SMS: variants seen among roughly 807,000 people sequenced by gnomAD.
The protein encoded by SMS is spermidine aminopropyltransferase.
A neutral mutation model predicts 33.0 loss-of-function variants in SMS; 3 were observed. The ratio of observed to expected loss-of-function variants is 0.09; its 90% CI spans 0.04 to 0.23. SMS has a LOEUF of 0.23. SMS is among the 10% of genes least tolerant of loss of function. The pLI, the probability that SMS is intolerant of heterozygous loss-of-function variation, is 1.00. For missense variants in SMS, 117 were observed against 288.6 expected (o/e 0.41, Z 4.31); for synonymous variants, 103 against 112.2 (o/e 0.92, Z 0.52).
intron 7 of SMS, among the ~76,000 whole-genome samples, chrX:21,982,116 G>A (rs1009856745): frequency 6.1e-4 from 67 of 109,581 alleles, no homozygotes; most frequent in Non-Finnish European, 1.2e-3. Flanking sequence ...GGCGGATCAC[G>A]AGGTCAGGAG....
chrX:21,945,096 A>G (rs1010005141), intron 1 of SMS, among the ~76,000 whole-genome samples: 3 of 112,026 alleles, frequency 2.7e-5, no homozygotes, highest in Non-Finnish European at 3.8e-5. Flanking sequence ...TAGCAATCCT[A>G]TGTCCATTTT....
chrX:21,980,600 A>G (rs1293946765), intron 7 of SMS, among the ~76,000 whole-genome samples: 2 of 109,013 alleles, frequency 1.8e-5, no homozygotes, highest in African/African-American at 6.6e-5. Context: ...AAAAATAGAA[A>G]ATATAATAGA....
intron 9 of SMS, among the ~76,000 whole-genome samples, chrX:21,988,662 CAAAAAAAA>C (rs199561897): frequency 1.7e-4 from 11 of 66,142 alleles, no homozygotes; most frequent in East Asian, 5.1e-4. Flanking sequence ...GACTCTGTCT[CAAAAAAAA>C]AAAAAAAAAA....
intron 1 of SMS, among the ~76,000 whole-genome samples, chrX:21,957,415 C>G: frequency 9.1e-6 from 1 of 110,297 alleles, no homozygotes; most frequent in Admixed American, 9.6e-5. Flanking sequence ...TCCTGCCTCA[C>G]CCTCCCAAGT....
chrX:21,977,158 G>C lies in SMS; in HGVS notation c.427G>C (p.Glu143Gln), dbSNP rs1318305388. ...EYDIDEVVYD[E>Q]DSPYQNIKIL... is the part of the protein sequence containing the mutation. ...TGACATAGATGAAGTGGTATATGAC[G>C]AAGATTCACCTTATCAAAATATAAA... The change falls in exon 5 of 11, where the codon GAA (glutamate) becomes CAA (glutamine). Residue 143 changes from glutamate to glutamine, a missense_variant. Glu to Gln is a conservative substitution (Grantham distance 29, BLOSUM62 2). Around this residue, in one of 3 missense-constraint regions of SMS, gnomAD observed 69 missense variants for 203.8 expected, o/e 0.34. Coordinates refer to ENST00000404933, the MANE Select transcript of SMS (RefSeq NM_004595.5). 2.5e-6 allele frequency: 3 copies of C among 1,206,194 alleles called. No homozygotes were observed. In the Admixed American group the frequency reaches 6.5e-5, roughly 26 times the overall value.
At chrX:21,979,132 G>A (rs1041863640) in intron 7 of SMS, among the ~76,000 whole-genome samples, 166 bp downstream of exon 7, 2 of 110,777 alleles carry the variant, frequency 1.8e-5, no homozygotes, top group Non-Finnish European at 3.8e-5. Context: ...GGGTGCACAC[G>A]TACCAATGAT....
intron 1 of SMS, among the ~76,000 whole-genome samples, chrX:21,942,682 A>C (rs1248454196): frequency 1.8e-5 from 2 of 111,097 alleles, no homozygotes; most frequent in Admixed American, 9.6e-5. Context: ...TGAATGGTTA[A>C]TGAAAGCTCT....
intron 1 of SMS, among the ~76,000 whole-genome samples, chrX:21,942,107 A>G (rs1436412279): frequency 1.8e-5 from 2 of 109,203 alleles, no homozygotes; most frequent in African/African-American, 6.7e-5. Flanking sequence ...GCAGACTTGA[A>G]TCTGCACTTC....
intron 1 of SMS, among the ~76,000 whole-genome samples, chrX:21,961,028 G>T: frequency 1.0e-5 from 1 of 95,247 alleles, no homozygotes; most frequent in African/African-American, 4.1e-5. Context: ...AATATTATAT[G>T]CATGTCTTTT....
At chrX:21,942,035 G>A (rs1290514654) in intron 1 of SMS, among the ~76,000 whole-genome samples, 1 of 108,469 alleles carries the variant, frequency 9.2e-6, no homozygotes, top group Admixed American at 9.9e-5. Context: ...TGGGGGGTGG[G>A]AGTCGCGGGA....
At chrX:21,992,780 A>C in intron 10 of SMS, 68 bp downstream of exon 10, 1 of 620,353 alleles carries the variant, frequency 1.6e-6, no homozygotes, top group Non-Finnish European at 2.7e-6. Context: ...CCAATGAAAA[A>C]ATTTAAATCA....
At chrX:21,990,583 T>C (rs951281008) in intron 9 of SMS, among the ~76,000 whole-genome samples, 1 of 112,767 alleles carries the variant, frequency 8.9e-6, no homozygotes, top group African/African-American at 3.2e-5. Flanking sequence ...TAGGTGTCTA[T>C]TTGTGGTGTG....
chrX:21,965,268 A>G (rs1196512297), intron 1 of SMS, among the ~76,000 whole-genome samples: 1 of 111,737 alleles, frequency 8.9e-6, no homozygotes, highest in Non-Finnish European at 1.9e-5. Flanking sequence ...TTTTGGTGCT[A>G]CCATTATACC....
At position 21,992,666 on chromosome X, in the gene SMS, G is replaced by C; in HGVS notation, c.1015G>C (p.Val339Leu). The C allele has an allele frequency of 8.3e-7, 1 of 1,203,048 alleles. No homozygotes were observed. Among genetic ancestry groups the C allele is most frequent in the South Asian group, 1.8e-5 (1 of 56,706 alleles). The change falls in exon 10 of 11, where the codon GTG (valine) becomes CTG (leucine). Residue 339 changes from valine (V) to leucine (L), a missense_variant. Val to Leu is a conservative substitution (Grantham distance 32). This residue lies in a region of SMS where 69 missense variants were observed against 203.8 expected (regional missense o/e 0.34). Transcript: ENST00000404933. Reference sequence around the variant, plus strand: ...ACAGCTGGGGCGCCTGTATTGTCCTGTGGAATTTTCAAAGGAGATCGTCTG... The same window carrying C: ...ACAGCTGGGGCGCCTGTATTGTCCTCTGGAATTTTCAAAGGAGATCGTCTG... ...EEQLGRLYCPVEFSKEIVCVP... is the reference protein window; with the variant it reads ...EEQLGRLYCPLEFSKEIVCVP...
intron 1 of SMS, among the ~76,000 whole-genome samples, chrX:21,954,218 T>G (rs1922820843): frequency 8.9e-6 from 1 of 112,144 alleles, no homozygotes; most frequent in Non-Finnish European, 1.9e-5. Flanking sequence ...TGGACCAGAT[T>G]CTGCTCATCT....
rs73454868 is a variant in SMS at position 21,981,377 on chromosome X, G to C, written c.750+2411G>C. 4.3e-3 allele frequency among the ~76,000 whole-genome samples: 475 copies of C among 111,201 alleles called. 4 individuals carry two copies. The highest frequency in any genetic ancestry group is 0.015 in the African/African-American group (465 of 30,610). On this transcript the variant is annotated intron_variant, in intron 7 of 10. Transcript: ENST00000404933. ...AATTTATTATGAGTAATCCCAAGGA[G>C]GGGGGAGGGGTTTAAAAGTAGACCA...
At chrX:21,973,953 G>A (rs1179684770) in intron 4 of SMS, among the ~76,000 whole-genome samples, 2 of 113,006 alleles carry the variant, frequency 1.8e-5, no homozygotes, top group Admixed American at 9.3e-5. Context: ...GAAGTGCTTT[G>A]GATACACAGC....
At chrX:21,991,563 G>A in intron 9 of SMS, among the ~76,000 whole-genome samples, 1 of 112,261 alleles carries the variant, frequency 8.9e-6, no homozygotes, top group East Asian at 2.8e-4. Context: ...AAAGGAAATA[G>A]GCGGTATTAA....
chrX:21,986,866 C>CACAG (rs2146955621), intron 9 of SMS, among the ~76,000 whole-genome samples: 1 of 111,853 alleles, frequency 8.9e-6, no homozygotes, highest in African/African-American at 3.2e-5. Flanking sequence ...GTATGATCTG[C>CACAG]ACAGCCTAAA....
Sources: gnomAD v4.1 joint callset for allele counts (sites outside exome capture counted in the v4.1 genomes callset) on GRCh38, gnomAD v4.1.1 for gene constraint, gnomAD v4.1.1 regional missense constraint, MANE v1.5 for transcripts, NCBI Gene and HGNC (gene_info 2026-07-23, HGNC 2026-07-21) for gene names.